CDH9: variants seen among roughly 807,000 people sequenced by gnomAD.
The protein encoded by CDH9 is cadherin-9.
A neutral mutation model predicts 70.9 loss-of-function variants in CDH9; 28 were observed. The observed-to-expected ratio is 0.40, with a 90% CI of 0.29 to 0.54. The LOEUF is 0.54. Ranked by LOEUF, CDH9 falls within the 20% of genes least tolerant of loss-of-function variation. The probability of loss-of-function intolerance (pLI) is 0.59; values close to 1 mark genes in which losing one functional copy is unlikely to be tolerated. For synonymous variants in CDH9, 409 were observed against 343.1 expected, an observed-to-expected ratio of 1.19 and a Z score of -2.12; for missense variants, 874 against 984.4, an observed-to-expected ratio of 0.89 and a Z score of 1.50.
Position 27,035,707 on chromosome 5 carries a change from T to G in CDH9, c.-50+2756A>C, listed in dbSNP as rs549219537. Among the ~76,000 whole-genome samples the G allele has an allele frequency of 8.8e-3, 1,312 of 149,668 alleles. 10 individuals are homozygous for G. Among genetic ancestry groups the G allele is most frequent in the Non-Finnish European group, 0.012 (806 of 67,298 alleles). The stretch of plus-strand genomic sequence containing the variant: ...GTGTGTGTGTGTGTGTGTGTGTGTG[T>G]GTGGGTGTGTGTGGGTGTGTGTGTA... On this transcript the variant is annotated intron_variant, in intron 1 of 11. Transcript: ENST00000231021.
chr5:26,948,271 C>G (rs1035883780), intron 2 of CDH9, among the ~76,000 whole-genome samples: 1 of 152,198 alleles, frequency 6.6e-6, no homozygotes, highest in African/African-American at 2.4e-5. Flanking sequence ...CTCAGGCAGG[C>G]TAGAGCTGTT....
intron 1 of CDH9, among the ~76,000 whole-genome samples, chr5:27,011,016 T>TTA (rs1742946583): frequency 1.3e-5 from 2 of 152,086 alleles, no homozygotes; most frequent in Admixed American, 1.3e-4. Flanking sequence ...CTTATGGCCC[T>TTA]TAAGCTTTCC....
chr5:26,881,540 T>C lies in CDH9; in HGVS notation c.1966A>G (p.Ile656Val), dbSNP rs763167754. Residue 656 changes from isoleucine (I) to valine (V), a missense_variant, in exon 12 of 12, where the codon ATT becomes GTT. Ile to Val is a conservative substitution (Grantham distance 29). Transcript: ENST00000231021. ...IISKDDVRDN[I>V]VTYNDEGGGE... ...CCGCCTTCATCGTTGTAGGTCACAATGTTGTCCCGGACATCGTCTTTTGAA... is the reference window on the plus strand; with the variant it reads ...CCGCCTTCATCGTTGTAGGTCACAACGTTGTCCCGGACATCGTCTTTTGAA... The C allele has an allele frequency of 1.1e-5, 17 of 1,613,678 alleles. No homozygotes were observed. In the East Asian group the frequency reaches 3.8e-4, roughly 36 times the overall value.
At chr5:27,024,649 A>T (rs548639326) in intron 1 of CDH9, among the ~76,000 whole-genome samples, 1 of 152,254 alleles carries the variant, frequency 6.6e-6, no homozygotes, top group South Asian at 2.1e-4. Context: ...TACTTGCATT[A>T]CCACAGTCAT....
intron 1 of CDH9, among the ~76,000 whole-genome samples, chr5:27,025,827 T>A (rs1229526007): frequency 1.3e-5 from 2 of 151,962 alleles, no homozygotes; most frequent in African/African-American, 4.8e-5. Context: ...CGTCAATCCA[T>A]TTAACAGAAT....
At chr5:26,934,933 G>GAAA (rs201260109) in intron 2 of CDH9, among the ~76,000 whole-genome samples, 205 of 140,214 alleles carry the variant, frequency 1.5e-3, no homozygotes, top group African/African-American at 5.4e-3. Context: ...TAAAGATACT[G>GAAA]AAAAAAAAAA....
In CDH9 at chr5:26,964,076, T is replaced by C. The variant is rs983034026; in HGVS notation, c.228+24030A>G. ...TAATAAAAAATTGTGAAGAGTATTT[T>C]CACAAGCTCTATAATAAAGCTCTCA... On this transcript the variant is annotated intron_variant, in intron 2 of 11. Transcript: ENST00000231021. Among the ~76,000 whole-genome samples, 10 of 152,102 alleles carry C rather than the reference T, an allele frequency of 6.6e-5. 1 individual carries two copies. Among genetic ancestry groups the C allele is most frequent in the Admixed American group, 2.0e-4 (3 of 15,254 alleles).
At chr5:26,986,571 G>A (rs374944714) in intron 2 of CDH9, among the ~76,000 whole-genome samples, 248 of 152,164 alleles carry the variant, frequency 1.6e-3, no homozygotes, top group African/African-American at 4.8e-3. Context: ...TTGCTGTAGC[G>A]CCTTAACTGC....
chr5:26,890,480 A>C lies in CDH9; in HGVS notation c.1338T>G (p.Leu446=), dbSNP rs1218928539. The C allele has an allele frequency of 1.2e-6, 2 of 1,613,068 alleles. No homozygotes were observed. The highest frequency in any genetic ancestry group is 1.7e-5 in the Admixed American group (1 of 60,016). ...TATGCCAAGGAGATGATTCCCGGTC[A>C]AGGGCTTTCAAAGTGAAAATAGAAC... ...ENGSIFTLKA[L]DRESSPWHNI... The change falls in exon 8 of 12, where the codon CTT becomes CTG. Residue 446 remains leucine, a synonymous_variant. Transcript: ENST00000231021.
intron 2 of CDH9, among the ~76,000 whole-genome samples, chr5:26,921,699 C>T (rs1194422623): frequency 2.0e-5 from 3 of 152,146 alleles, no homozygotes; most frequent in African/African-American, 7.2e-5. Context: ...AAACTCTCTG[C>T]TCTCTACTTT....
intron 7 of CDH9, among the ~76,000 whole-genome samples, chr5:26,899,517 G>T (rs1740814673): frequency 6.6e-6 from 1 of 152,088 alleles, no homozygotes; most frequent in African/African-American, 2.4e-5. Flanking sequence ...GGATGAAGCT[G>T]GAAATCATCA....
intron 3 of CDH9, 50 bp downstream of exon 3, chr5:26,915,580 G>A (rs781625983): frequency 9.4e-7 from 1 of 1,060,158 alleles, no homozygotes; most frequent in East Asian, 2.4e-5. Flanking sequence ...ATAATTACCT[G>A]AGCAAACAAA....
chr5:26,912,233 A>G (rs1020968581), intron 3 of CDH9, among the ~76,000 whole-genome samples: 4 of 152,156 alleles, frequency 2.6e-5, no homozygotes, highest in South Asian at 4.1e-4. Context: ...ATTATGCATC[A>G]GATTTAACTG....
intron 7 of CDH9, 61 bp from the exon 8 acceptor site, chr5:26,890,625 C>G: frequency 8.3e-7 from 1 of 1,209,818 alleles, no homozygotes; most frequent in South Asian, 1.3e-5. Flanking sequence ...TCTACTCTTT[C>G]TTAAAGCTAT....
chr5:26,893,430 A>G (rs80021617), intron 7 of CDH9, among the ~76,000 whole-genome samples: 17,244 of 152,166 alleles, frequency 0.11, 1,634 homozygotes, highest in East Asian at 0.48. Context: ...TTGTCATTCA[A>G]CAGGATTTTA....
intron 3 of CDH9, among the ~76,000 whole-genome samples, chr5:26,912,792 C>G (rs1741076189): frequency 6.6e-6 from 1 of 152,054 alleles, no homozygotes; most frequent in South Asian, 2.1e-4. Flanking sequence ...TGTTCCCACC[C>G]AAATCTTATC....
At chr5:26,891,676 T>G (rs2111974541) in intron 7 of CDH9, among the ~76,000 whole-genome samples, 1 of 99,936 alleles carries the variant, frequency 1.0e-5, no homozygotes, top group African/African-American at 4.1e-5. Flanking sequence ...AGACTCCATC[T>G]CAAAAACAAA....
At chr5:26,901,292 C>G (rs1390109452) in intron 7 of CDH9, among the ~76,000 whole-genome samples, 1 of 151,746 alleles carries the variant, frequency 6.6e-6, no homozygotes, top group African/African-American at 2.4e-5. Flanking sequence ...GTGAATTATA[C>G]TGTAATAAAC....
intron 1 of CDH9, among the ~76,000 whole-genome samples, chr5:27,008,501 G>C (rs1454270228): frequency 6.9e-6 from 1 of 145,780 alleles, no homozygotes; most frequent in Non-Finnish European, 1.5e-5. Flanking sequence ...AAAAAAAAAA[G>C]TATATGTATA....
Sources: gnomAD v4.1 joint callset for allele counts (sites outside exome capture counted in the v4.1 genomes callset) on GRCh38, gnomAD v4.1.1 for gene constraint, MANE v1.5 for transcripts, NCBI Gene and HGNC (gene_info 2026-07-23, HGNC 2026-07-21) for gene names.